The following ITGA9 variants were observed in gnomAD, a reference collection of about 807,000 sequenced individuals.
The protein encoded by ITGA9 is integrin subunit alpha 9.
ITGA9 carries 56 observed loss-of-function variants against 127.8 expected under a neutral mutation model. That is an observed-to-expected ratio of 0.44 (90% CI 0.35 to 0.55). The LOEUF is 0.55. Ranked by LOEUF, ITGA9 falls within the 20% of genes least tolerant of loss-of-function variation. The probability of loss-of-function intolerance (pLI) is 0.00; values close to 1 mark genes in which losing one functional copy is unlikely to be tolerated. For synonymous variants in ITGA9, 508 were observed against 514.5 expected, an observed-to-expected ratio of 0.99 and a Z score of 0.17; for missense variants, 1,196 against 1,347.1, an observed-to-expected ratio of 0.89 and a Z score of 1.76.
rs139828360 is a variant in ITGA9, at chr3:37,630,189, G to C, written c.1839+853G>C. Among the ~76,000 whole-genome samples the C allele has an allele frequency of 8.8e-3, 1,341 of 152,280 alleles. 7 individuals are homozygous for C. The highest frequency in any genetic ancestry group is 0.018 in the Admixed American group (282 of 15,290). On this transcript the variant is annotated intron_variant, in intron 16 of 27. Coordinates refer to ENST00000264741, the MANE Select transcript of ITGA9 (RefSeq NM_002207.3). Reference sequence around the variant, plus strand: ...ATTGTGACCCATGCCTTGTAGATTAGAGTTGTAGACTGAACCACAGAGAAG... The same window carrying C: ...ATTGTGACCCATGCCTTGTAGATTACAGTTGTAGACTGAACCACAGAGAAG...
intron 18 of ITGA9, among the ~76,000 whole-genome samples, chr3:37,689,525 C>T (rs1021664306): frequency 1.3e-5 from 2 of 152,220 alleles, no homozygotes; most frequent in Non-Finnish European, 2.9e-5. Context: ...ACCAGCAAAG[C>T]CTCACTACAG....
Position 37,777,396 on chromosome 3 carries a change from G to T in ITGA9, c.2546G>T (p.Gly849Val). ...EMFHVQEMVV[G>V]QEKGNCSFQK... is the part of the protein sequence containing the mutation. ...CAGGCCTCTTTTCATTTGCAGGTGG[G>T]CCAAGAGAAGGGAAACTGCTCTTTC... Residue 849 changes from glycine to valine, a missense_variant, in exon 24 of 28, where the codon GGC becomes GTC. Transcript: ENST00000264741. 1 of 1,614,084 alleles carries T rather than the reference G, an allele frequency of 6.2e-7. No individual in the cohort carries two copies. Among genetic ancestry groups the T allele is most frequent in the Non-Finnish European group, 8.5e-7 (1 of 1,179,988 alleles).
chr3:37,458,903 A>G (rs1698287736), intron 1 of ITGA9, among the ~76,000 whole-genome samples: 1 of 152,204 alleles, frequency 6.6e-6, no homozygotes, highest in Non-Finnish European at 1.5e-5. Context: ...CTTTACGCTG[A>G]GCCACCGAGT....
chr3:37,703,045 C>G (rs1161815965), intron 18 of ITGA9, among the ~76,000 whole-genome samples: 1 of 152,150 alleles, frequency 6.6e-6, no homozygotes, highest in Admixed American at 6.5e-5. Context: ...ACTGGTCTCC[C>G]TGGGGACATA....
chr3:37,604,565 G>A (rs1699950181), intron 15 of ITGA9, among the ~76,000 whole-genome samples: 1 of 152,228 alleles, frequency 6.6e-6, no homozygotes, highest in African/African-American at 2.4e-5. Flanking sequence ...TTTAACGGAA[G>A]GGTTTCCACA....
chr3:37,467,892 A>G (rs367736522), intron 1 of ITGA9, among the ~76,000 whole-genome samples: 1 of 152,196 alleles, frequency 6.6e-6, no homozygotes, highest in Non-Finnish European at 1.5e-5. Context: ...TGGTCTTATG[A>G]AGCGCAATAT....
intron 17 of ITGA9, among the ~76,000 whole-genome samples, chr3:37,679,609 G>A (rs2125660660): frequency 6.6e-6 from 1 of 152,248 alleles, no homozygotes; most frequent in South Asian, 2.1e-4. Flanking sequence ...GGGATGTCAT[G>A]GATGTTCATT....
intron 18 of ITGA9, among the ~76,000 whole-genome samples, chr3:37,695,251 G>C (rs1267980729): frequency 6.6e-6 from 1 of 152,216 alleles, no homozygotes; most frequent in African/African-American, 2.4e-5. Context: ...AAGGGCAGAA[G>C]AAGACCCACG....
At chr3:37,672,132 G>A (rs1196699244) in intron 17 of ITGA9, among the ~76,000 whole-genome samples, 1 of 152,160 alleles carries the variant, frequency 6.6e-6, no homozygotes, top group African/African-American at 2.4e-5. Flanking sequence ...CTACTAGGTT[G>A]TGTATTTAGA....
At chr3:37,564,349 A>G (rs9825152) in intron 15 of ITGA9, among the ~76,000 whole-genome samples, 5,803 of 152,252 alleles carry the variant, frequency 0.038, 360 homozygotes, top group African/African-American at 0.13. Context: ...CTCATCGATA[A>G]GACCTGTTTC....
intron 11 of ITGA9, among the ~76,000 whole-genome samples, chr3:37,523,204 G>A (rs927429428): frequency 6.6e-6 from 1 of 152,108 alleles, no homozygotes. Flanking sequence ...CATTAGGAAT[G>A]GAAGTTAAAC....
intron 8 of ITGA9, among the ~76,000 whole-genome samples, chr3:37,511,352 C>A (rs1284509265): frequency 2.6e-5 from 4 of 152,214 alleles, no homozygotes; most frequent in Non-Finnish European, 4.4e-5. Context: ...ATCGGACACA[C>A]ACCCCAAAGC....
intron 25 of ITGA9, among the ~76,000 whole-genome samples, chr3:37,784,039 A>G (rs115071287): frequency 0.018 from 2,697 of 152,312 alleles, 39 homozygotes; most frequent in Middle Eastern, 0.068. Flanking sequence ...CTTGCATGAC[A>G]GGCAAGCTGG....
intron 5 of ITGA9, among the ~76,000 whole-genome samples, chr3:37,500,914 G>A (rs548541996): frequency 4.7e-5 from 7 of 150,286 alleles, no homozygotes; most frequent in African/African-American, 1.7e-4. Flanking sequence ...TTCATGACCA[G>A]TATCTTTGGA....
intron 15 of ITGA9, among the ~76,000 whole-genome samples, chr3:37,584,373 A>G (rs747145858): frequency 1.3e-5 from 2 of 152,190 alleles, no homozygotes; most frequent in Non-Finnish European, 2.9e-5. Context: ...CCAATCCATC[A>G]GTAGAGTGGG....
At chr3:37,736,125 C>T (rs1168514536) in intron 19 of ITGA9, among the ~76,000 whole-genome samples, 1 of 152,126 alleles carries the variant, frequency 6.6e-6, no homozygotes, top group African/African-American at 2.4e-5. Flanking sequence ...GCACTAATTC[C>T]ATCATGAAGG....
intron 15 of ITGA9, among the ~76,000 whole-genome samples, chr3:37,555,913 A>G (rs1446337911): frequency 2.0e-5 from 3 of 152,234 alleles, no homozygotes; most frequent in Non-Finnish European, 2.9e-5. Flanking sequence ...TTTCAGTGGC[A>G]TAGAACTAGA....
At position 37,622,532 on chromosome 3, in the gene ITGA9, A is replaced by G. The variant is rs552689057; in HGVS notation, c.1690-6655A>G. On this transcript the variant is annotated intron_variant, in intron 15 of 27. Coordinates refer to ENST00000264741, the MANE Select transcript of ITGA9 (RefSeq NM_002207.3). ...GGAGCTTTTTATAGATTTTAATATC[A>G]TAGTTGCCATTTAAAAAATTGTATT... Among the ~76,000 whole-genome samples, 7 of 152,234 alleles carry G rather than the reference A, an allele frequency of 4.6e-5. No individual in the cohort carries two copies. In the East Asian group the frequency reaches 1.4e-3, roughly 29 times the overall value.
chr3:37,743,875 G>A, intron 21 of ITGA9, 51 bp from the exon 22 acceptor site: 1 of 1,209,924 alleles, frequency 8.3e-7, no homozygotes, highest in Non-Finnish European at 1.2e-6. Flanking sequence ...CAGTGACCAT[G>A]GGTGCTTGAC....
Sources: allele counts gnomAD v4.1 joint callset (sites outside exome capture counted in the v4.1 genomes callset), GRCh38; gene constraint gnomAD v4.1.1; transcripts MANE v1.5; gene names NCBI Gene and HGNC (gene_info 2026-07-23, HGNC 2026-07-21).